Variants in HTT observed in about 807,000 individuals in gnomAD.
The protein encoded by HTT is huntingtin, also known as huntington disease protein.
In HTT, 104 loss-of-function variants were observed where a neutral mutation model predicts 362.3. That is an observed-to-expected ratio of 0.29 (90% confidence interval 0.24 to 0.34). The LOEUF is 0.34. HTT is among the 10% of genes least tolerant of loss of function. HTT has a pLI of 1.00. For missense variants in HTT, 3,301 were observed against 3,928.6 expected (o/e 0.84, Z 4.27); for synonymous variants, 1,577 against 1,548.7 (o/e 1.02, Z -0.43).
chr4:3,129,729 T>G, intron 12 of HTT, 195 bp from the exon 13 acceptor site: 1 of 510,840 alleles, frequency 2.0e-6, no homozygotes. Context: ...TTTCATAATG[T>G]AGTGGGAATG....
intron 35 of HTT, among the ~76,000 whole-genome samples, chr4:3,179,801 T>TGTGTGTGTGCTC (rs1339694827): frequency 6.7e-6 from 1 of 148,816 alleles, no homozygotes; most frequent in Non-Finnish European, 1.5e-5. Flanking sequence ...AGTGTGCCTC[T>TGTGTGTGTGCTC]GTGTGTGTGC....
intron 21 of HTT, among the ~76,000 whole-genome samples, chr4:3,139,294 T>C (rs1383450263): frequency 6.6e-6 from 1 of 152,108 alleles, no homozygotes; most frequent in East Asian, 1.9e-4. Context: ...GCCTCCTGGG[T>C]TCAAGCGATT....
At chr4:3,219,794 C>CA (rs1021470497) in intron 52 of HTT, among the ~76,000 whole-genome samples, 21 of 152,378 alleles carry the variant, frequency 1.4e-4, no homozygotes, top group African/African-American at 5.0e-4. Flanking sequence ...GGTTCATTTT[C>CA]ATGCCTGCTT....
At position 3,235,571 on chromosome 4, in the gene HTT, G is replaced by A; in HGVS notation, c.8578G>A (p.Gly2860Arg). The A allele has an allele frequency of 6.2e-7, 1 of 1,613,812 alleles. No homozygotes were observed. The highest frequency in any genetic ancestry group is 1.1e-5 in the South Asian group (1 of 91,076). The change falls in exon 63 of 67, where the codon GGG becomes AGG. Residue 2860 changes from glycine to arginine, a missense_variant. Gly to Arg is a moderately radical substitution (Grantham distance 125, BLOSUM62 -2). Coordinates refer to ENST00000355072, the MANE Select transcript of HTT (RefSeq NM_001388492.1). ...EFSASIIQMC[G>R]VMLSGSEEST... ...GGCCTTTCTCCCTGTGCAGATGTGT[G>A]GGGTGATGCTGTCTGGAAGTGAGGA... is the stretch of plus-strand genomic sequence containing the variant.
chr4:3,174,806 G>T lies in HTT; in HGVS notation c.4245+7G>T. ...AAAGAACCGTGCAGATAAGGTAAATGGTGCCGTTTGTGGCATGTGAACTCA... is the reference window on the plus strand; with the variant it reads ...AAAGAACCGTGCAGATAAGGTAAATTGTGCCGTTTGTGGCATGTGAACTCA... On this transcript the variant is annotated splice_region_variant and intron_variant, in intron 32 of 66. Transcript: ENST00000355072. 2 of 1,613,528 alleles carry T rather than the reference G, an allele frequency of 1.2e-6. No individual in the cohort carries two copies. The highest frequency in any genetic ancestry group is 8.5e-7 in the Non-Finnish European group (1 of 1,179,512).
At chr4:3,161,426 G>A (rs1231231570) in intron 29 of HTT, among the ~76,000 whole-genome samples, 1 of 152,078 alleles carries the variant, frequency 6.6e-6, no homozygotes, top group African/African-American at 2.4e-5. Flanking sequence ...TAATCCTTTG[G>A]GTATATGCCC....
At chr4:3,230,649 A>C (rs1248614778) in intron 60 of HTT, among the ~76,000 whole-genome samples, 1 of 152,098 alleles carries the variant, frequency 6.6e-6, no homozygotes, top group East Asian at 1.9e-4. Flanking sequence ...TGGGGGCTGG[A>C]AGTTTTCATG....
chr4:3,172,945 A>G lies in HTT; in HGVS notation c.3980A>G (p.Gln1327Arg), dbSNP rs1283289670. The change falls in exon 31 of 67, where the codon CAG becomes CGG. Residue 1327 changes from glutamine (Q) to arginine (R), a missense_variant. Physicochemically the swap from Gln to Arg is conservative, Grantham distance 43. Around this residue, in one of 4 missense-constraint regions of HTT, gnomAD observed 2,316 missense variants for 2,658.5 expected, o/e 0.87. Coordinates refer to ENST00000355072, the MANE Select transcript of HTT (RefSeq NM_001388492.1). ...CTCTTTGGCACAAACTTGGCCTCCC[A>G]GTTTGATGGCTTATCTTCCAACCCC... The part of the protein sequence containing the change: ...KTLFGTNLAS[Q>R]FDGLSSNPSK... The G allele has an allele frequency of 2.5e-6, 4 of 1,614,188 alleles. No homozygotes were observed. Among genetic ancestry groups the G allele is most frequent in the Admixed American group, 1.7e-5 (1 of 60,022 alleles).
chr4:3,239,933 C>G lies in HTT; in HGVS notation c.9303C>G (p.His3101Gln). 6.3e-7 allele frequency: 1 copy of G among 1,581,828 alleles called. No homozygotes were observed. ...TGGTCGCCACAGACTTCTACAGACA[C>G]CAGATAGAGGAGGAGCTCGACCGCA... ...FCLVATDFYR[H>Q]QIEEELDRRA... is the part of the protein sequence containing the mutation. The change falls in exon 67 of 67, where the codon CAC becomes CAG. Residue 3101 changes from histidine to glutamine, a missense_variant. Coordinates refer to ENST00000355072, the MANE Select transcript of HTT (RefSeq NM_001388492.1).
At chr4:3,094,935 C>T (rs576034111) in intron 2 of HTT, among the ~76,000 whole-genome samples, 71 of 151,830 alleles carry the variant, frequency 4.7e-4, no homozygotes, top group African/African-American at 1.5e-3. Context: ...GACGGGGCGG[C>T]GGGGCAGAGG....
At position 3,229,921 on chromosome 4, in the gene HTT, A is replaced by T. The variant is rs1721170480; in HGVS notation, c.8144A>T (p.Asn2715Ile). The T allele has an allele frequency of 1.2e-6, 2 of 1,614,060 alleles. No homozygotes were observed. The highest frequency in any genetic ancestry group is 2.7e-5 in the African/African-American group (2 of 74,930). The part of the protein sequence containing the change: ...LVVSDLFTER[N>I]QFELMYVTLT... ...GTCTCAGACTTGTTCACCGAGCGCA[A>T]CCAGTTTGAGCTGATGTATGTGACG... Residue 2715 changes from asparagine to isoleucine, a missense_variant, in exon 60 of 67, where the codon AAC becomes ATC. Around this residue, in one of 4 missense-constraint regions of HTT, gnomAD observed 753 missense variants for 1,021.3 expected, o/e 0.74. Transcript: ENST00000355072.
chr4:3,085,400 T>C lies in HTT; in HGVS notation c.264-1539T>C, dbSNP rs149224762. Reference sequence around the variant, plus strand: ...GATCTGCTGCCCCAGCCTCCCAAAGTGCTGGGATTACAGGCGTGAGCCACA... The same window carrying C: ...GATCTGCTGCCCCAGCCTCCCAAAGCGCTGGGATTACAGGCGTGAGCCACA... On this transcript the variant is annotated intron_variant, in intron 1 of 66. Transcript: ENST00000355072. Among the ~76,000 whole-genome samples the C allele has an allele frequency of 5.1e-3, 771 of 152,234 alleles. 5 individuals are homozygous for C. The highest frequency in any genetic ancestry group is 0.018 in the African/African-American group (727 of 41,542).
intron 11 of HTT, among the ~76,000 whole-genome samples, chr4:3,126,254 A>G (rs571665478): frequency 4.6e-5 from 7 of 152,064 alleles, no homozygotes; most frequent in Non-Finnish European, 7.4e-5. Context: ...GGTTTTTGCC[A>G]TGTTGGTCAG....
chr4:3,152,179 A>G (rs1490526308), intron 26 of HTT, among the ~76,000 whole-genome samples: 1 of 151,682 alleles, frequency 6.6e-6, no homozygotes, highest in African/African-American at 2.4e-5. Flanking sequence ...GCTCACTGCA[A>G]CTTCTGCCTC....
At chr4:3,234,282 C>G (rs1415503297) in intron 61 of HTT, among the ~76,000 whole-genome samples, 1 of 152,242 alleles carries the variant, frequency 6.6e-6, no homozygotes, top group Non-Finnish European at 1.5e-5. Flanking sequence ...GGGGCCATTG[C>G]CCTCATCCAG....
chr4:3,167,705 G>A (rs1717783590), intron 29 of HTT, among the ~76,000 whole-genome samples: 1 of 152,010 alleles, frequency 6.6e-6, no homozygotes, highest in South Asian at 2.1e-4. Context: ...ATTTAATGAA[G>A]ATTGATGTTA....
chr4:3,131,192 C>T (rs1250671249), intron 14 of HTT, 94 bp from the exon 15 acceptor site: 3 of 951,880 alleles, frequency 3.2e-6, no homozygotes, highest in Non-Finnish European at 5.1e-6. Context: ...CAGCACCTGG[C>T]TTAAGTGCTG....
At chr4:3,238,387 G>A (rs751422139) in intron 64 of HTT, 60 bp from the exon 65 acceptor site, 34 of 1,347,206 alleles carry the variant, frequency 2.5e-5, no homozygotes, top group African/African-American at 1.6e-4. Context: ...GGCCCTCCGC[G>A]GGCAGGTGGG....
intron 29 of HTT, among the ~76,000 whole-genome samples, chr4:3,171,210 C>T (rs1229972467): frequency 2.6e-5 from 4 of 152,180 alleles, no homozygotes; most frequent in African/African-American, 7.2e-5. Flanking sequence ...ATACTTTGAG[C>T]ATATCAGAAT....
Sources: allele counts gnomAD v4.1 joint callset (sites outside exome capture counted in the v4.1 genomes callset), GRCh38; gene constraint gnomAD v4.1.1; regional missense constraint gnomAD v4.1.1; transcripts MANE v1.5; gene names NCBI Gene and HGNC (gene_info 2026-07-23, HGNC 2026-07-21).